ERBIN: variants seen among roughly 807,000 people sequenced by gnomAD.
ERBIN encodes the protein erbb2 interacting protein.
ERBIN carries 60 observed loss-of-function variants against 158.4 expected under a neutral mutation model. That is an observed-to-expected ratio of 0.38 (90% confidence interval 0.31 to 0.47). The LOEUF (loss-of-function observed/expected upper bound fraction) is 0.47. Among genes scored for constraint, ERBIN ranks in the 20% least tolerant of loss-of-function variants. ERBIN has a pLI of 0.99. For synonymous variants in ERBIN, 594 were observed against 557.2 expected (o/e 1.07, Z -0.93); for missense variants, 1,610 against 1,648.0 (o/e 0.98, Z 0.40).
intron 4 of ERBIN, among the ~76,000 whole-genome samples, chr5:66,003,823 TAA>T (rs1753249739): frequency 6.6e-6 from 1 of 151,610 alleles, no homozygotes; most frequent in Admixed American, 6.6e-5. Context: ...TTCTCAGAAG[TAA>T]AGAGAGAGAG....
intron 4 of ERBIN, among the ~76,000 whole-genome samples, chr5:65,999,565 A>G (rs1396689522): frequency 1.3e-5 from 2 of 152,180 alleles, no homozygotes; most frequent in African/African-American, 2.4e-5. Context: ...TAAACTCTTT[A>G]GGCCCCTTCT....
At chr5:66,037,912 GT>G (rs1410011979) in intron 14 of ERBIN, among the ~76,000 whole-genome samples, 4 of 151,990 alleles carry the variant, frequency 2.6e-5, no homozygotes, top group Admixed American at 1.3e-4. Flanking sequence ...GCAGCTGATT[GT>G]TTTCATCATT....
chr5:65,948,566 T>C (rs1746091215), intron 1 of ERBIN, among the ~76,000 whole-genome samples: 2 of 152,086 alleles, frequency 1.3e-5, no homozygotes, highest in Non-Finnish European at 1.5e-5. Flanking sequence ...GGTAGGCTAA[T>C]GTAGTTTACA....
chr5:66,037,629 A>T (rs78015298), intron 14 of ERBIN, among the ~76,000 whole-genome samples: 2,648 of 152,250 alleles, frequency 0.017, 75 homozygotes, highest in African/African-American at 0.06. Flanking sequence ...TCATAGGAGT[A>T]GGTGCAAAGA....
chr5:65,994,726 T>C (rs368543697), intron 3 of ERBIN, 21 bp from the exon 4 acceptor site: 9 of 1,336,792 alleles, frequency 6.7e-6, no homozygotes, highest in Non-Finnish European at 7.4e-6. Context: ...ATTGACATTC[T>C]TTCCTCCCTT....
rs1413604302 is a variant in ERBIN at position 66,050,955 on chromosome 5, T to G, written c.2076T>G (p.Asn692Lys). Residue 692 changes from asparagine (N) to lysine (K), a missense_variant, in exon 20 of 26, where the codon AAT becomes AAG. Coordinates refer to ENST00000284037, the MANE Select transcript of ERBIN (RefSeq NM_001253697.2). ...TGAAACAAACTCATATTGATATTAA[T>G]TCCAAAATCAGGTGTGTGAACCTCT... is the stretch of plus-strand genomic sequence containing the variant. ...SPVKQTHIDI[N>K]SKIRQEDENF... is the part of the protein sequence containing the mutation. 3.1e-6 allele frequency: 5 copies of G among 1,602,302 alleles called. No homozygotes were observed. In the East Asian group the frequency reaches 1.1e-4, roughly 36 times the overall value.
At chr5:65,990,439 C>A (rs1036608926) in intron 2 of ERBIN, among the ~76,000 whole-genome samples, 1 of 151,066 alleles carries the variant, frequency 6.6e-6, no homozygotes, top group Non-Finnish European at 1.5e-5. Context: ...GAGGCCAAGA[C>A]AGGCGGATCA....
intron 14 of ERBIN, among the ~76,000 whole-genome samples, chr5:66,033,945 C>A (rs1398646839): frequency 6.6e-6 from 1 of 152,000 alleles, no homozygotes; most frequent in Non-Finnish European, 1.5e-5. Flanking sequence ...CCCGTCTCTA[C>A]TGAAAATACA....
chr5:65,943,641 A>G (rs149301194), intron 1 of ERBIN, among the ~76,000 whole-genome samples: 1,630 of 152,210 alleles, frequency 0.011, 32 homozygotes, highest in African/African-American at 0.038. Flanking sequence ...CTTCCACCCA[A>G]TGTTTAAAAT....
At chr5:66,018,468 ATATATTATATATTATATATTATAT>A (rs1755087378) in intron 7 of ERBIN, among the ~76,000 whole-genome samples, 2 of 4,140 alleles carry the variant, frequency 4.8e-4, no homozygotes, top group African/African-American at 7.1e-4. Flanking sequence ...ATTATATAAT[ATATATTATATATTATATATTATAT>A]TATATAATAT....
At chr5:65,936,915 A>G (rs1744159808) in intron 1 of ERBIN, among the ~76,000 whole-genome samples, 1 of 152,200 alleles carries the variant, frequency 6.6e-6, no homozygotes, top group South Asian at 2.1e-4. Flanking sequence ...CATCAATGGT[A>G]TATAAAATTA....
intron 1 of ERBIN, among the ~76,000 whole-genome samples, chr5:65,978,792 C>T (rs1038487252): frequency 6.6e-6 from 1 of 152,094 alleles, no homozygotes; most frequent in South Asian, 2.1e-4. Flanking sequence ...GCCAAGAAGT[C>T]GCAGGAGAGG....
chr5:66,068,805 A>G (rs142932534), intron 21 of ERBIN: 3 of 1,330,326 alleles, frequency 2.3e-6, no homozygotes, highest in African/African-American at 2.9e-5. Context: ...AAATAAGTCT[A>G]CGTATATAAC....
intron 1 of ERBIN, among the ~76,000 whole-genome samples, chr5:65,933,342 T>C (rs1315915415): frequency 1.3e-5 from 2 of 152,218 alleles, no homozygotes; most frequent in Admixed American, 6.5e-5. Context: ...AATGAATCCT[T>C]CTTCTGGCTT....
rs542959802 is a variant in ERBIN, at chr5:66,023,110, A to G, written c.598-180A>G. ...CTATAATAATTTTACTGTAGTAACTATAATGCAGTAGAAAGGCTTACATCC... is the reference window on the plus strand; with the variant it reads ...CTATAATAATTTTACTGTAGTAACTGTAATGCAGTAGAAAGGCTTACATCC... On this transcript the variant is annotated intron_variant, in intron 8 of 25. Coordinates refer to ENST00000284037, the MANE Select transcript of ERBIN (RefSeq NM_001253697.2). 49 of 514,458 alleles carry G rather than the reference A, an allele frequency of 9.5e-5. No homozygotes were observed. The East Asian group carries it at 1.3e-3, about 14-fold the overall frequency. 31.9% of individuals were successfully genotyped at this position (514,458 alleles called of 1,614,324 possible).
chr5:66,059,733 A>C (rs1760042061), intron 21 of ERBIN, among the ~76,000 whole-genome samples: 1 of 152,226 alleles, frequency 6.6e-6, no homozygotes, highest in South Asian at 2.1e-4. Context: ...ATTTATTGAG[A>C]GTTTTTACCA....
intron 8 of ERBIN, among the ~76,000 whole-genome samples, 173 bp downstream of exon 8, chr5:66,021,558 A>C (rs1561385915): frequency 6.6e-6 from 1 of 152,118 alleles, no homozygotes. Context: ...AATTAACCAG[A>C]CAGATGAACT....
At position 65,975,374 on chromosome 5, in the gene ERBIN, C is replaced by T. The variant is rs546059111; in HGVS notation, c.-57-13261C>T. Among the ~76,000 whole-genome samples, 42 of 152,188 alleles carry T rather than the reference C, an allele frequency of 2.8e-4. No individual in the cohort carries two copies. In the South Asian group the frequency reaches 5.2e-3, roughly 19 times the overall value. On this transcript the variant is annotated intron_variant, in intron 1 of 25. Transcript: ENST00000284037. The stretch of plus-strand genomic sequence containing the variant: ...AGGCTGTAGTACAGTGGCGCAATCT[C>T]GGCTCACTGTAACCTCCGCCTCCCA...
chr5:66,009,600 T>C (rs1753991613), intron 4 of ERBIN, among the ~76,000 whole-genome samples: 1 of 152,198 alleles, frequency 6.6e-6, no homozygotes, highest in Admixed American at 6.5e-5. Context: ...GAGATCAGGA[T>C]AGGCTTTCAG....
Sources: allele counts gnomAD v4.1 joint callset (sites outside exome capture counted in the v4.1 genomes callset), GRCh38; gene constraint gnomAD v4.1.1; transcripts MANE v1.5; gene names NCBI Gene and HGNC (gene_info 2026-07-23, HGNC 2026-07-21).